Variants in AUTS2 observed in about 807,000 individuals in gnomAD.
AUTS2 encodes activator of transcription and developmental regulator AUTS2, also known as autism susceptibility gene 2 protein.
AUTS2 carries 17 observed loss-of-function variants against 112.4 expected under a neutral mutation model. The ratio of observed to expected loss-of-function variants is 0.15; its 90% CI spans 0.10 to 0.23. AUTS2 has a LOEUF of 0.23. AUTS2 is among the 10% of genes least tolerant of loss of function. The pLI, the probability that AUTS2 is intolerant of heterozygous loss-of-function variation, is 1.00. For missense variants in AUTS2, 1,510 were observed against 1,701.6 expected (o/e 0.89, Z 1.98); for synonymous variants, 751 against 702.7 (o/e 1.07, Z -1.09).
At position 70,161,758 on chromosome 7, in the gene AUTS2, CTTTA is replaced by C. The variant is rs545099799; in HGVS notation, c.660+27193_660+27196del. 1.2e-3 allele frequency among the ~76,000 whole-genome samples: 180 copies of C among 151,974 alleles called. 2 individuals carry two copies. The highest frequency in any genetic ancestry group is 4.1e-3 in the African/African-American group (170 of 41,420). On this transcript the variant is annotated intron_variant, in intron 4 of 18. Coordinates refer to ENST00000342771, the MANE Select transcript of AUTS2 (RefSeq NM_015570.4). ...CCCCTTTGGAGTACTTTAAGAATCC[CTTTA>C]TTTATAGCCCAGCTTAAGCCCCAGT...
chr7:70,484,512 A>G (rs951964888), intron 5 of AUTS2, among the ~76,000 whole-genome samples: 3 of 152,188 alleles, frequency 2.0e-5, no homozygotes, highest in Non-Finnish European at 4.4e-5. Flanking sequence ...CTCAGCTTTC[A>G]TTCTCATTCT....
chr7:70,557,720 C>T (rs1409668169), intron 5 of AUTS2, among the ~76,000 whole-genome samples: 2 of 152,144 alleles, frequency 1.3e-5, no homozygotes, highest in Non-Finnish European at 1.5e-5. Context: ...CCTCAAGTCC[C>T]GGAGGCTGCT....
chr7:69,977,663 A>G (rs971023301), intron 2 of AUTS2, among the ~76,000 whole-genome samples: 2 of 151,872 alleles, frequency 1.3e-5, no homozygotes, highest in Admixed American at 1.3e-4. Flanking sequence ...GGAAGTCTGG[A>G]CTCCAGTACT....
At chr7:69,611,492 G>C (rs950627769) in intron 1 of AUTS2, among the ~76,000 whole-genome samples, 2 of 152,226 alleles carry the variant, frequency 1.3e-5, no homozygotes, top group African/African-American at 4.8e-5. Context: ...TCAGTTGAAA[G>C]AATATAAATG....
intron 5 of AUTS2, among the ~76,000 whole-genome samples, chr7:70,458,154 C>T (rs1796820266): frequency 6.6e-6 from 1 of 152,186 alleles, no homozygotes; most frequent in African/African-American, 2.4e-5. Flanking sequence ...AGTGGGGGCC[C>T]TGGCAGGAGG....
intron 4 of AUTS2, among the ~76,000 whole-genome samples, chr7:70,317,849 C>T (rs1267301903): frequency 6.6e-6 from 1 of 152,114 alleles, no homozygotes; most frequent in Non-Finnish European, 1.5e-5. Context: ...GTAGGAGATG[C>T]TTAGTACAAT....
At chr7:69,873,714 T>A (rs1266009611) in intron 1 of AUTS2, among the ~76,000 whole-genome samples, 1 of 152,220 alleles carries the variant, frequency 6.6e-6, no homozygotes, top group Non-Finnish European at 1.5e-5. Flanking sequence ...TTATCTATCC[T>A]AAGGGAATGA....
intron 1 of AUTS2, among the ~76,000 whole-genome samples, chr7:69,674,913 T>G (rs1442243774): frequency 1.3e-5 from 2 of 152,184 alleles, no homozygotes. Flanking sequence ...GATTCCGAAG[T>G]GTGTGCACAG....
intron 4 of AUTS2, among the ~76,000 whole-genome samples, chr7:70,307,074 A>G (rs1208622197): frequency 3.9e-5 from 6 of 152,256 alleles, no homozygotes; most frequent in Non-Finnish European, 8.8e-5. Flanking sequence ...AAATATGAAT[A>G]GAAAATACTA....
At chr7:70,328,197 T>TA (rs1318938920) in intron 4 of AUTS2, among the ~76,000 whole-genome samples, 1 of 152,138 alleles carries the variant, frequency 6.6e-6, no homozygotes, top group African/African-American at 2.4e-5. Flanking sequence ...GAAACTAAAA[T>TA]ACAGGGGTGT....
intron 5 of AUTS2, among the ~76,000 whole-genome samples, chr7:70,671,660 C>T (rs957582503): frequency 1.3e-5 from 2 of 152,142 alleles, no homozygotes; most frequent in Non-Finnish European, 2.9e-5. Context: ...AAGTAATAAC[C>T]CCCCCTATGA....
At chr7:70,773,374 GA>G (rs2129558572) in intron 11 of AUTS2, among the ~76,000 whole-genome samples, 1 of 152,294 alleles carries the variant, frequency 6.6e-6, no homozygotes, top group South Asian at 2.1e-4. Context: ...TCAAAGGACA[GA>G]AGCTCACAGA....
At chr7:70,312,697 G>A (rs956177675) in intron 4 of AUTS2, among the ~76,000 whole-genome samples, 9 of 152,172 alleles carry the variant, frequency 5.9e-5, no homozygotes, top group Non-Finnish European at 1.2e-4. Flanking sequence ...CAGAAATTCC[G>A]TCCAAAGTAC....
chr7:70,682,844 C>T (rs1808279172), intron 5 of AUTS2, among the ~76,000 whole-genome samples: 1 of 152,246 alleles, frequency 6.6e-6, no homozygotes. Flanking sequence ...GGCAAGTTGT[C>T]AGGGGCTGTT....
At chr7:69,835,324 A>G (rs907545129) in intron 1 of AUTS2, among the ~76,000 whole-genome samples, 1 of 152,112 alleles carries the variant, frequency 6.6e-6, no homozygotes, top group African/African-American at 2.4e-5. Context: ...AGAGATGGCA[A>G]AATCCATGGC....
At chr7:70,047,503 G>A (rs942334936) in intron 2 of AUTS2, among the ~76,000 whole-genome samples, 3 of 152,112 alleles carry the variant, frequency 2.0e-5, no homozygotes, top group Non-Finnish European at 4.4e-5. Context: ...CCAAATGTTG[G>A]GATATTAAAA....
intron 1 of AUTS2, among the ~76,000 whole-genome samples, chr7:69,836,273 G>A (rs767500259): frequency 6.6e-6 from 1 of 152,184 alleles, no homozygotes; most frequent in African/African-American, 2.4e-5. Context: ...AGTGATACAT[G>A]TGATGTCTTT....
intron 10 of AUTS2, among the ~76,000 whole-genome samples, chr7:70,769,452 G>C (rs1969498): frequency 0.062 from 9,400 of 152,258 alleles, 333 homozygotes; most frequent in Middle Eastern, 0.17. Context: ...TTGGGAGGCC[G>C]AGGCAGGCGG....
At chr7:70,437,036 G>A (rs1010669943) in intron 5 of AUTS2, 3 of 152,400 alleles carry the variant, frequency 2.0e-5, no homozygotes, top group African/African-American at 7.2e-5. Flanking sequence ...TCGCCTTGAG[G>A]TTTTTATCTC....
Sources: gnomAD v4.1 joint callset for allele counts (sites outside exome capture counted in the v4.1 genomes callset) on GRCh38, gnomAD v4.1.1 for gene constraint, MANE v1.5 for transcripts, NCBI Gene and HGNC (gene_info 2026-07-23, HGNC 2026-07-21) for gene names.